TPRG1: variants seen among roughly 807,000 people sequenced by gnomAD.
TPRG1 encodes the protein tumor protein p63 regulated 1, also known as tumor protein p63-regulated gene 1 protein.
TPRG1 carries 29 observed loss-of-function variants against 29.3 expected under a neutral mutation model. That is an observed-to-expected ratio of 0.99 (90% CI 0.74 to 1.35). The LOEUF (loss-of-function observed/expected upper bound fraction) is 1.35, where lower values mean the gene tolerates loss of function less well. TPRG1 is among the 40% of genes most tolerant of loss of function. TPRG1 has a pLI of 0.00. For missense variants in TPRG1, 327 were observed against 335.0 expected (o/e 0.98, Z 0.19); for synonymous variants, 130 against 116.8 (o/e 1.11, Z -0.73).
chr3:189,175,413 A>G (rs1183329318), intron 1 of TPRG1, among the ~76,000 whole-genome samples: 1 of 152,216 alleles, frequency 6.6e-6, no homozygotes, highest in African/African-American at 2.4e-5. Context: ...CTGAAGTGGA[A>G]TGAGGCCAGA....
At chr3:189,099,276 A>C (rs767168650), upstream of TPRG1, among the ~76,000 whole-genome samples, 1 of 152,088 alleles carries the variant, frequency 6.6e-6, no homozygotes, top group Non-Finnish European at 1.5e-5. Flanking sequence ...TGCCAGATGA[A>C]ATATGCCCTG....
intron 1 of TPRG1, among the ~76,000 whole-genome samples, chr3:189,122,576 CTTAG>C (rs1179366031): frequency 2.0e-5 from 3 of 152,152 alleles, no homozygotes; most frequent in African/African-American, 4.8e-5. Flanking sequence ...GTTAAAAGAT[CTTAG>C]TTAGTTTGAG....
At position 189,315,079 on chromosome 3, in the gene TPRG1, G is replaced by A. The variant is rs7620071; in HGVS notation, c.633+4540G>A. ...GAGGACTGCTTAAGCCCAGGAGTTC[G>A]AGTCTGCAGTGCAAGTCTGCAGTGA... On this transcript the variant is annotated intron_variant, in intron 5 of 5. Transcript: ENST00000345063. 4.4e-3 allele frequency among the ~76,000 whole-genome samples: 664 copies of A among 152,190 alleles called. 3 individuals carry two copies. Among genetic ancestry groups the A allele is most frequent in the African/African-American group, 0.015 (630 of 41,518 alleles).
At chr3:189,317,446 T>C (rs1287437341) in intron 5 of TPRG1, among the ~76,000 whole-genome samples, 1 of 152,236 alleles carries the variant, frequency 6.6e-6, no homozygotes, top group African/African-American at 2.4e-5. Flanking sequence ...AGCACACAAG[T>C]GCATGTATGT....
intron 4 of TPRG1, among the ~76,000 whole-genome samples, chr3:189,264,317 A>G (rs1176700750): frequency 1.3e-5 from 2 of 152,196 alleles, no homozygotes; most frequent in South Asian, 4.1e-4. Context: ...AAGAAGTACA[A>G]TGAGTTTTTG....
intron 4 of TPRG1, among the ~76,000 whole-genome samples, chr3:189,250,512 C>CG (rs927402163): frequency 5.5e-5 from 5 of 90,646 alleles, no homozygotes; most frequent in African/African-American, 8.5e-5. Flanking sequence ...CCGCCCCCCC[C>CG]CCCCCACCCA....
At chr3:189,209,435 T>C (rs1400096869) in intron 2 of TPRG1, among the ~76,000 whole-genome samples, 1 of 152,326 alleles carries the variant, frequency 6.6e-6, no homozygotes, top group African/African-American at 2.4e-5. Flanking sequence ...CTCAGCTAAA[T>C]TGACAGAGTC....
At chr3:189,292,292 CTTT>C (rs11459415) in intron 4 of TPRG1, among the ~76,000 whole-genome samples, 4 of 114,906 alleles carry the variant, frequency 3.5e-5, no homozygotes, top group Non-Finnish European at 3.5e-5. Context: ...GAAGTTTTTG[CTTT>C]TTTTTTTTTT....
chr3:189,136,259 G>T (rs1465985154), intron 3 of TPRG1, among the ~76,000 whole-genome samples: 1 of 152,154 alleles, frequency 6.6e-6, no homozygotes, highest in Non-Finnish European at 1.5e-5. Flanking sequence ...TGGGGCATGA[G>T]AACATTGTTT....
chr3:189,162,786 G>A (rs759204176), intron 5 of TPRG1, among the ~76,000 whole-genome samples: 1 of 152,170 alleles, frequency 6.6e-6, no homozygotes, highest in Non-Finnish European at 1.5e-5. Context: ...GAGAGAACCA[G>A]ATCTCTCTCT....
At chr3:189,074,915 C>T (rs1272137710) in intron 4 of TPRG1, among the ~76,000 whole-genome samples, 1 of 149,970 alleles carries the variant, frequency 6.7e-6, no homozygotes, top group Non-Finnish European at 1.5e-5. Flanking sequence ...GGGTTCCCGC[C>T]ATTCTCCTGC....
chr3:189,112,715 G>A (rs535773166), intron 1 of TPRG1, among the ~76,000 whole-genome samples: 2 of 152,234 alleles, frequency 1.3e-5, no homozygotes, highest in South Asian at 4.1e-4. Context: ...TGAGGGCTCT[G>A]TTCTGTTCCA....
Position 189,061,552 on chromosome 3 carries a change from G to T in TPRG1, c.-463+37606G>T, listed in dbSNP as rs565892214. ...TTTGCAAACATTGCATCTGACAAAG[G>T]TCTAATATCCAGCAGCTATAGGGAA... is the stretch of plus-strand genomic sequence containing the variant. On this transcript the variant is annotated intron_variant, in intron 4 of 10. Transcript: ENST00000433971. Among the ~76,000 whole-genome samples, 10 of 152,230 alleles carry T rather than the reference G, an allele frequency of 6.6e-5. No homozygotes were observed. The South Asian group carries it at 1.7e-3, about 25-fold the overall frequency.
chr3:189,029,262 C>G (rs1342137792), intron 4 of TPRG1, among the ~76,000 whole-genome samples: 2 of 152,100 alleles, frequency 1.3e-5, no homozygotes, highest in African/African-American at 2.4e-5. Context: ...ACTTCAACAG[C>G]TGAAAACAGA....
chr3:189,269,152 A>G (rs928579425), intron 4 of TPRG1, among the ~76,000 whole-genome samples: 1 of 152,082 alleles, frequency 6.6e-6, no homozygotes, highest in Admixed American at 6.6e-5. Flanking sequence ...GCACACAGAA[A>G]AAAAAGGCAC....
intron 5 of TPRG1, among the ~76,000 whole-genome samples, chr3:189,162,365 A>C (rs1727603941): frequency 6.6e-6 from 1 of 152,222 alleles, no homozygotes; most frequent in African/African-American, 2.4e-5. Context: ...CTGACAGTTT[A>C]GTTTGGCTGA....
chr3:189,214,237 TCTTTA>T (rs548723011), intron 2 of TPRG1, among the ~76,000 whole-genome samples: 196 of 152,334 alleles, frequency 1.3e-3, no homozygotes, highest in African/African-American at 4.0e-3. Flanking sequence ...ATTTCATGAC[TCTTTA>T]CTTAACAATT....
chr3:189,273,055 G>A (rs970241841), intron 4 of TPRG1, among the ~76,000 whole-genome samples: 4 of 152,200 alleles, frequency 2.6e-5, no homozygotes, highest in South Asian at 2.1e-4. Flanking sequence ...CTTCCTGCTC[G>A]GCCTCTCTGA....
intron 1 of TPRG1, among the ~76,000 whole-genome samples, chr3:189,195,505 C>G (rs917218633): frequency 1.3e-5 from 2 of 152,144 alleles, no homozygotes; most frequent in Non-Finnish European, 2.9e-5. Flanking sequence ...AAAGGAGAGC[C>G]ATGACTACTC....
Sources: allele counts gnomAD v4.1 joint callset (sites outside exome capture counted in the v4.1 genomes callset), GRCh38; gene constraint gnomAD v4.1.1; transcripts MANE v1.5; gene names NCBI Gene and HGNC (gene_info 2026-07-23, HGNC 2026-07-21).